KCNQ1: variants seen among roughly 807,000 people sequenced by gnomAD.
The protein encoded by KCNQ1 is potassium voltage-gated channel subfamily KQT member 1.
KCNQ1 carries 49 observed loss-of-function variants against 72.4 expected under a neutral mutation model. The observed-to-expected ratio is 0.68, with a 90% CI of 0.54 to 0.86. The LOEUF (loss-of-function observed/expected upper bound fraction) is 0.86. Among genes scored for constraint, KCNQ1 ranks in the 40% least tolerant of loss-of-function variants. The probability of loss-of-function intolerance (pLI) is 0.00; values close to 1 mark genes in which losing one functional copy is unlikely to be tolerated. For synonymous variants in KCNQ1, 450 were observed against 412.6 expected (o/e 1.09, Z -1.10); for missense variants, 790 against 945.1 (o/e 0.84, Z 2.15).
At chr11:2,505,368 A>T (rs1419966541) in intron 1 of KCNQ1, among the ~76,000 whole-genome samples, 2 of 152,080 alleles carry the variant, frequency 1.3e-5, no homozygotes, top group Non-Finnish European at 2.9e-5. Context: ...CATCTTTTTG[A>T]GTACTTTGAG....
At chr11:2,614,350 C>G (rs947128436) in intron 10 of KCNQ1, 3 of 398,148 alleles carry the variant, frequency 7.5e-6, no homozygotes, top group Non-Finnish European at 1.3e-5. Flanking sequence ...TTCTGTGCAC[C>G]CTTTAAATTT....
intron 1 of KCNQ1, among the ~76,000 whole-genome samples, chr11:2,525,694 TC>T (rs1847487420): frequency 6.6e-6 from 1 of 152,202 alleles, no homozygotes; most frequent in Non-Finnish European, 1.5e-5. Context: ...TTCCAGGTGC[TC>T]CTGGGAACCA....
chr11:2,629,130 A>T (rs1287682003), intron 10 of KCNQ1: 2 of 398,110 alleles, frequency 5.0e-6, no homozygotes, highest in African/African-American at 4.1e-5. Context: ...CTGTGAAAAA[A>T]AGTCACTGGA....
Position 2,612,171 on chromosome 11 carries a change from G to A in KCNQ1, c.1393+23317G>A. On this transcript the variant is annotated intron_variant, in intron 10 of 15. Coordinates refer to ENST00000155840, the MANE Select transcript of KCNQ1 (RefSeq NM_000218.3). This position sits in a 1 kb window ranked among gnomAD's most constrained non-coding sequence, Gnocchi z 5.5. ...TAGAAACTGGGCTACACAGCAGGAG[G>A]TGAGCAGCAGGCAAGCAAGCATTAC... 2.5e-6 allele frequency: 1 copy of A among 398,664 alleles called. No individual in the cohort carries two copies. Among genetic ancestry groups the A allele is most frequent in the East Asian group, 3.6e-5 (1 of 28,080 alleles). 24.7% of individuals were successfully genotyped at this position (398,664 alleles called of 1,614,324 possible). A position where few individuals can be genotyped will look rare whatever the true frequency, so the allele number is the denominator to read the frequency against.
chr11:2,712,327 C>A lies in KCNQ1; in HGVS notation c.1514+50246C>A, dbSNP rs1851020038. ...GGGGAAGCAGACTCTAGCTGGGCAG[C>A]CTGGCCTCAGGAGATCATCACAACC... On this transcript the variant is annotated intron_variant, in intron 11 of 15. Transcript: ENST00000155840. This position sits in a 1 kb window ranked among gnomAD's most constrained non-coding sequence, Gnocchi z 6.4. Among the ~76,000 whole-genome samples the A allele has an allele frequency of 6.6e-6, 1 of 152,112 alleles. No homozygotes were observed.
Position 2,651,990 on chromosome 11 carries a change from T to G in KCNQ1, c.1394-9971T>G, listed in dbSNP as rs1849764091. On this transcript the variant is annotated intron_variant, in intron 10 of 15. Coordinates refer to ENST00000155840, the MANE Select transcript of KCNQ1 (RefSeq NM_000218.3). The surrounding 1 kb of genome is among the most constrained non-coding windows in gnomAD (Gnocchi z 6.1). ...CAAGCTGAGTTGATTACTTTTGACA[T>G]CAGTTGTTAACATAATTTTGATGTT... 2.5e-6 allele frequency: 1 copy of G among 398,664 alleles called. No individual in the cohort carries two copies. The highest frequency in any genetic ancestry group is 4.4e-6 in the Non-Finnish European group (1 of 226,106). The allele number at this position is 398,664 out of a possible 1,614,324, so 24.7% of individuals were successfully genotyped here.
At chr11:2,681,735 C>T (rs971977975) in intron 11 of KCNQ1, 4 of 398,022 alleles carry the variant, frequency 1.0e-5, no homozygotes, top group South Asian at 2.6e-4. Flanking sequence ...ATTGTGGGCA[C>T]TGATCACACA....
At chr11:2,737,241 C>T (rs1171441383) in intron 11 of KCNQ1, among the ~76,000 whole-genome samples, 1 of 152,172 alleles carries the variant, frequency 6.6e-6, no homozygotes, top group East Asian at 1.9e-4. Flanking sequence ...GTTCCCAGGG[C>T]ACCCAGCACA....
intron 11 of KCNQ1, among the ~76,000 whole-genome samples, chr11:2,756,007 A>T (rs911849851): frequency 6.6e-6 from 1 of 152,372 alleles, no homozygotes; most frequent in South Asian, 2.1e-4. Flanking sequence ...CTCCATTGGC[A>T]TAAACCACAG....
intron 2 of KCNQ1, among the ~76,000 whole-genome samples, chr11:2,553,095 T>G (rs1412085863): frequency 6.6e-6 from 1 of 152,210 alleles, no homozygotes; most frequent in Admixed American, 6.5e-5. Context: ...TTGCGTCCTG[T>G]GACTTTGCTC....
rs952566377 is a variant in KCNQ1 at position 2,752,941 on chromosome 11, T to C, written c.1515-15903T>C. Among the ~76,000 whole-genome samples, 5 of 152,296 alleles carry C rather than the reference T, an allele frequency of 3.3e-5. No homozygotes were observed. Among genetic ancestry groups the C allele is most frequent in the East Asian group, 1.9e-4 (1 of 5,168 alleles). On this transcript the variant is annotated intron_variant, in intron 11 of 15. Coordinates refer to ENST00000155840, the MANE Select transcript of KCNQ1 (RefSeq NM_000218.3). This position sits in a 1 kb window ranked among gnomAD's most constrained non-coding sequence, Gnocchi z 5.2. Reference sequence around the variant, plus strand: ...CACTGCCAGCCAGGAAGGTCTGCCCTGGCTGGTCTGGGCTTGAGGACCAGC... The same window carrying C: ...CACTGCCAGCCAGGAAGGTCTGCCCCGGCTGGTCTGGGCTTGAGGACCAGC...
rs1848360062 is a variant in KCNQ1, at chr11:2,572,872, C to T, written c.807C>T (p.Gly269=). The part of the protein sequence containing the change: ...RQELITTLYI[G]FLGLIFSSYF... ...AGCTGATAACCACCCTGTACATCGG[C>T]TTCCTGGGCCTCATCTTCTCCTCGT... Residue 269 remains glycine (G), a synonymous_variant, in exon 6 of 16, where the codon GGC becomes GGT. Coordinates refer to ENST00000155840, the MANE Select transcript of KCNQ1 (RefSeq NM_000218.3). 1.9e-6 allele frequency: 3 copies of T among 1,613,714 alleles called. No individual in the cohort carries two copies. The highest frequency in any genetic ancestry group is 2.2e-5 in the South Asian group (2 of 91,088).
intron 15 of KCNQ1, among the ~76,000 whole-genome samples, chr11:2,802,936 A>G (rs1417018336): frequency 1.3e-5 from 2 of 152,242 alleles, no homozygotes; most frequent in African/African-American, 2.4e-5. Flanking sequence ...CCGGCCAGCC[A>G]GGGAGGTGGG....
intron 1 of KCNQ1, chr11:2,521,547 C>G (rs1490227767): frequency 2.1e-6 from 1 of 470,798 alleles, no homozygotes; most frequent in Admixed American, 2.3e-5. Context: ...GTTACACGCC[C>G]CGGGGTTTCA....
chr11:2,585,702 A>G (rs1848583150), intron 8 of KCNQ1, among the ~76,000 whole-genome samples: 1 of 152,204 alleles, frequency 6.6e-6, no homozygotes, highest in East Asian at 1.9e-4. Context: ...CCAGCTGTGC[A>G]GTTGGTGCCT....
At position 2,562,214 on chromosome 11, in the gene KCNQ1, G is replaced by A. The variant is rs1321658942; in HGVS notation, c.478-8414G>A. On this transcript the variant is annotated intron_variant, in intron 2 of 15. Coordinates refer to ENST00000155840, the MANE Select transcript of KCNQ1 (RefSeq NM_000218.3). This position sits in a 1 kb window ranked among gnomAD's most constrained non-coding sequence, Gnocchi z 7.5. ...GGTGGGGACTGGTACTCCCCGGGGG[G>A]TGGGGGTGAGGGCGGGGGTGAGTGT... 6.6e-6 allele frequency among the ~76,000 whole-genome samples: 1 copy of A among 151,806 alleles called. No individual in the cohort carries two copies. The highest frequency in any genetic ancestry group is 1.5e-5 in the Non-Finnish European group (1 of 67,878).
rs925628738 is a variant in KCNQ1 at position 2,642,792 on chromosome 11, G to T, written c.1394-19169G>T. ...ATCTTTTCTACCTTTTTTAATGGAG[G>T]CATTTATTACAATAAACTTTCCTCT... On this transcript the variant is annotated intron_variant, in intron 10 of 15. Coordinates refer to ENST00000155840, the MANE Select transcript of KCNQ1 (RefSeq NM_000218.3). The surrounding 1 kb of genome is among the most constrained non-coding windows in gnomAD (Gnocchi z 4.3). The T allele has an allele frequency of 2.5e-6, 1 of 397,586 alleles. No individual in the cohort carries two copies. 24.6% of individuals were successfully genotyped at this position (397,586 alleles called of 1,614,324 possible). A position where few individuals can be genotyped will look rare whatever the true frequency, so the allele number is the denominator to read the frequency against.
chr11:2,570,511 T>A (rs535426121), intron 2 of KCNQ1, 117 bp from the exon 3 acceptor site: 1 of 1,406,012 alleles, frequency 7.1e-7, no homozygotes, highest in East Asian at 2.4e-5. Context: ...GGGCCTGCTG[T>A]TCTCAGGGTG....
intron 10 of KCNQ1, chr11:2,628,106 C>T (rs1190514248): frequency 5.0e-6 from 2 of 398,466 alleles, no homozygotes; most frequent in African/African-American, 4.1e-5. Context: ...CATGGGAGTG[C>T]AGATACCTCT....
Sources: gnomAD v4.1 joint callset for allele counts (sites outside exome capture counted in the v4.1 genomes callset) on GRCh38, gnomAD v4.1.1 for gene constraint, Gnocchi (gnomAD v3.1) non-coding constraint, MANE v1.5 for transcripts, NCBI Gene and HGNC (gene_info 2026-07-23, HGNC 2026-07-21) for gene names.